The following UNC79 variants were observed in gnomAD, a reference collection of about 807,000 sequenced individuals.
UNC79 encodes protein unc-79 homolog.
Under a neutral mutation model 283.1 loss-of-function variants are expected in UNC79, and 37 were observed. The ratio of observed to expected loss-of-function variants is 0.13; its 90% CI spans 0.10 to 0.17. UNC79 has a LOEUF of 0.17. Ranked by LOEUF, UNC79 falls within the 10% of genes least tolerant of loss-of-function variation. The pLI, the probability that UNC79 is intolerant of heterozygous loss-of-function variation, is 1.00. For missense variants in UNC79, 2,272 were observed against 3,211.1 expected, an observed-to-expected ratio of 0.71 and a Z score of 7.07; for synonymous variants, 1,107 against 1,200.2, an observed-to-expected ratio of 0.92 and a Z score of 1.61.
chr14:93,451,510 A>C (rs932780157), intron 1 of UNC79, among the ~76,000 whole-genome samples: 2 of 152,212 alleles, frequency 1.3e-5, no homozygotes, highest in Admixed American at 1.3e-4. Context: ...TAGGTAGATT[A>C]TCCTGGCTTT....
At chr14:93,530,849 C>CAGT (rs2060787817) in intron 10 of UNC79, among the ~76,000 whole-genome samples, 1 of 152,136 alleles carries the variant, frequency 6.6e-6, no homozygotes, top group African/African-American at 2.4e-5. Flanking sequence ...GCGGAGCTGG[C>CAGT]AGTGAGCCGA....
chr14:93,589,895 T>C (rs750276052), intron 22 of UNC79, among the ~76,000 whole-genome samples: 4 of 152,276 alleles, frequency 2.6e-5, no homozygotes, highest in Middle Eastern at 3.4e-3. Context: ...AGACCCCATC[T>C]CTGCTAAAAC....
intron 14 of UNC79, among the ~76,000 whole-genome samples, chr14:93,549,189 C>T (rs188931515): frequency 1.9e-4 from 29 of 152,154 alleles, no homozygotes; most frequent in Admixed American, 1.8e-3. Context: ...CTTAGTATAC[C>T]GTTAAGGTTT....
rs769359549 is a variant in UNC79, at chr14:93,582,267, A to T, written c.2726A>T (p.Glu909Val). Residue 909 changes from glutamate to valine, a missense_variant, in exon 20 of 49, where the codon GAA becomes GTA. By Grantham distance (121) the Glu-to-Val change is moderately radical. Transcript: ENST00000555664. ...AGACCAGAGTTTATCATAGGCCCTGAAGGGGAGGAGGAGGAGAATCCTGCA... is the reference window on the plus strand; with the variant it reads ...AGACCAGAGTTTATCATAGGCCCTGTAGGGGAGGAGGAGGAGAATCCTGCA... 3.1e-6 allele frequency: 5 copies of T among 1,614,148 alleles called. No individual in the cohort carries two copies. In the Admixed American group the frequency reaches 8.3e-5, roughly 27 times the overall value.
intron 38 of UNC79, among the ~76,000 whole-genome samples, chr14:93,655,989 A>T (rs1297982527): frequency 6.6e-6 from 1 of 152,210 alleles, no homozygotes. Flanking sequence ...GCTGGAAGAA[A>T]CCTATAAAGA....
In UNC79 at chr14:93,430,987, C is replaced by T; in HGVS notation, c.-43C>T. 1.4e-6 allele frequency: 1 copy of T among 701,284 alleles called. No individual in the cohort carries two copies. The highest frequency in any genetic ancestry group is 2.7e-5 in the East Asian group (1 of 37,176). 43.4% of individuals were successfully genotyped at this position (701,284 alleles called of 1,614,324 possible). A position where few individuals can be genotyped will look rare whatever the true frequency, so the allele number is the denominator to read the frequency against. ...CGCTGGCGGAGCGAGGGAGCTCACA[C>T]GACACAGATTTTGGGGCAAAGCCTT... On this transcript the variant is annotated 5_prime_UTR_variant, in exon 1 of 49. It adds an upstream start codon to the 5' untranslated region. Coordinates refer to ENST00000555664, the Ensembl canonical transcript of UNC79. The surrounding 1 kb of genome is among the most constrained non-coding windows in gnomAD (Gnocchi z 4.6).
At chr14:93,641,314 G>A in intron 33 of UNC79, 67 bp downstream of exon 36, 1 of 1,444,382 alleles carries the variant, frequency 6.9e-7, no homozygotes, top group Non-Finnish European at 9.5e-7. Context: ...ACAGTGGTGA[G>A]AAAGTTTCAG....
At chr14:93,401,394 G>A (rs2055105232) in intron 1 of UNC79, among the ~76,000 whole-genome samples, 1 of 152,188 alleles carries the variant, frequency 6.6e-6, no homozygotes. Context: ...AGTAATGATA[G>A]ATAAATCATC....
chr14:93,347,115 G>A, intron 1 of UNC79: 1 of 752,584 alleles, frequency 1.3e-6, no homozygotes, highest in Non-Finnish European at 2.1e-6. Flanking sequence ...GGAGGTGCTG[G>A]GCAGAAGGGG....
At chr14:93,553,320 A>C (rs1343567329) in intron 14 of UNC79, among the ~76,000 whole-genome samples, 1 of 152,180 alleles carries the variant, frequency 6.6e-6, no homozygotes, top group Admixed American at 6.5e-5. Flanking sequence ...AAAAGGTCAT[A>C]AACAGATTAT....
chr14:93,379,334 A>T (rs925148218), intron 1 of UNC79, among the ~76,000 whole-genome samples: 2 of 152,180 alleles, frequency 1.3e-5, no homozygotes, highest in African/African-American at 4.8e-5. Flanking sequence ...CAGGCTATAG[A>T]TAACCAAAAA....
intron 7 of UNC79, among the ~76,000 whole-genome samples, chr14:93,521,130 C>T (rs2060301726): frequency 6.6e-6 from 1 of 151,976 alleles, no homozygotes; most frequent in Non-Finnish European, 1.5e-5. Context: ...AACTTTTTCT[C>T]TAATGTTAGT....
intron 30 of UNC79, among the ~76,000 whole-genome samples, chr14:93,628,249 C>G (rs771350496): frequency 1.3e-5 from 2 of 152,146 alleles, no homozygotes; most frequent in Non-Finnish European, 2.9e-5. Flanking sequence ...TCACACTATT[C>G]TCACCACAAT....
At chr14:93,365,680 C>T (rs1334133074) in intron 1 of UNC79, among the ~76,000 whole-genome samples, 1 of 152,062 alleles carries the variant, frequency 6.6e-6, no homozygotes, top group Non-Finnish European at 1.5e-5. Flanking sequence ...ATCAAATTAG[C>T]TGCCAGAGTA....
chr14:93,567,130 G>T (rs1201492962), intron 14 of UNC79, among the ~76,000 whole-genome samples: 1 of 152,158 alleles, frequency 6.6e-6, no homozygotes, highest in Non-Finnish European at 1.5e-5. Context: ...CCGAGTTTTG[G>T]CCAGTCAAAT....
At chr14:93,458,453 C>T (rs2140201662) in intron 1 of UNC79, among the ~76,000 whole-genome samples, 1 of 152,220 alleles carries the variant, frequency 6.6e-6, no homozygotes, top group African/African-American at 2.4e-5. Flanking sequence ...CATGACTCAA[C>T]ATGTTTGGGG....
At chr14:93,356,743 C>G (rs1354708283) in intron 1 of UNC79, among the ~76,000 whole-genome samples, 1 of 152,044 alleles carries the variant, frequency 6.6e-6, no homozygotes, top group African/African-American at 2.4e-5. Flanking sequence ...ATTTTTTTGC[C>G]ACATCTGGCC....
intron 16 of UNC79, among the ~76,000 whole-genome samples, chr14:93,573,521 C>A (rs1020252177): frequency 2.6e-5 from 4 of 152,128 alleles, no homozygotes; most frequent in Non-Finnish European, 5.9e-5. Context: ...AACTTGAATA[C>A]CTGATATGAG....
intron 1 of UNC79, among the ~76,000 whole-genome samples, chr14:93,403,218 G>A (rs538871466): frequency 7.9e-5 from 12 of 152,316 alleles, no homozygotes; most frequent in Admixed American, 7.8e-4. Context: ...GACAGAGGAA[G>A]CAATCAGATA....
Sources: gnomAD v4.1 joint callset for allele counts (sites outside exome capture counted in the v4.1 genomes callset) on GRCh38, gnomAD v4.1.1 for gene constraint, Gnocchi (gnomAD v3.1) non-coding constraint, MANE v1.5 for transcripts, NCBI Gene and HGNC (gene_info 2026-07-23, HGNC 2026-07-21) for gene names.